PATJ: variants seen among roughly 807,000 people sequenced by gnomAD.
The protein encoded by PATJ is inaD-like protein.
Under a neutral mutation model 224.9 loss-of-function variants are expected in PATJ, and 190 were observed. That is an observed-to-expected ratio of 0.84 (90% CI 0.75 to 0.95). The LOEUF (loss-of-function observed/expected upper bound fraction) is 0.95, where lower values mean the gene tolerates loss of function less well. PATJ is among the 40% of genes least tolerant of loss of function. PATJ has a pLI of 0.00. For synonymous variants in PATJ, 769 were observed against 820.3 expected, an observed-to-expected ratio of 0.94 and a Z score of 1.07; for missense variants, 2,121 against 2,270.3, an observed-to-expected ratio of 0.93 and a Z score of 1.34.
intron 1 of PATJ, among the ~76,000 whole-genome samples, chr1:61,762,644 A>G (rs537973556): frequency 1.4e-4 from 22 of 152,248 alleles, no homozygotes; most frequent in Admixed American, 3.3e-4. Context: ...AGTTCCAGGC[A>G]CTTCACAGCC....
chr1:62,128,124 C>T (rs761769001), intron 40 of PATJ, 30 bp downstream of exon 40: 3 of 1,613,472 alleles, frequency 1.9e-6, no homozygotes, highest in Non-Finnish European at 2.5e-6. Flanking sequence ...GAAAGACTAA[C>T]AATATGTGTT....
In PATJ at chr1:62,017,937, G is replaced by A. The variant is rs1646878290; in HGVS notation, c.3949G>A (p.Val1317Ile). 6.2e-7 allele frequency: 1 copy of A among 1,604,264 alleles called. No individual in the cohort carries two copies. Among genetic ancestry groups the A allele is most frequent in the Non-Finnish European group, 8.5e-7 (1 of 1,171,088 alleles). ...IKTAPSKVKL[V>I]FIRNEDAVNQ... Reference sequence around the variant, plus strand: ...GACTGCCCCATCAAAGGTCAAGCTGGTTTTCATCAGGTAAGATTGCTAGAT... The same window carrying A: ...GACTGCCCCATCAAAGGTCAAGCTGATTTTCATCAGGTAAGATTGCTAGAT... The change falls in exon 29 of 44, where the codon GTT (valine) becomes ATT (isoleucine). Residue 1317 changes from valine to isoleucine, a missense_variant. Val to Ile is a conservative substitution (Grantham distance 29). Transcript: ENST00000642238.
chr1:61,896,488 G>A (rs180996756), intron 22 of PATJ, among the ~76,000 whole-genome samples: 1 of 152,202 alleles, frequency 6.6e-6, no homozygotes, highest in East Asian at 1.9e-4. Context: ...AGGTGGAAAG[G>A]ACTTGCCTTG....
At chr1:61,770,541 T>C (rs528751942) in intron 5 of PATJ, among the ~76,000 whole-genome samples, 16 of 152,296 alleles carry the variant, frequency 1.1e-4, no homozygotes, top group African/African-American at 3.6e-4. Flanking sequence ...TCATGATAAG[T>C]GCTCAGTAAA....
At chr1:61,750,716 A>G (rs1557574516) in intron 1 of PATJ, among the ~76,000 whole-genome samples, 1 of 151,904 alleles carries the variant, frequency 6.6e-6, no homozygotes, top group Non-Finnish European at 1.5e-5. Context: ...GCTGGGATAC[A>G]AGCATGAGCC....
At chr1:61,762,076 A>C (rs756798411) in intron 1 of PATJ, among the ~76,000 whole-genome samples, 2 of 152,094 alleles carry the variant, frequency 1.3e-5, no homozygotes, top group African/African-American at 2.4e-5. Flanking sequence ...GCTTCAGGGG[A>C]AGTCTTTTTT....
At chr1:61,943,565 G>C (rs888193226) in intron 27 of PATJ, among the ~76,000 whole-genome samples, 21 of 152,174 alleles carry the variant, frequency 1.4e-4, no homozygotes, top group Admixed American at 1.4e-3. Flanking sequence ...TGAGGCTTGA[G>C]TAGGTAAATG....
chr1:62,159,290 C>G (rs1669610282), intron 43 of PATJ, among the ~76,000 whole-genome samples: 1 of 152,168 alleles, frequency 6.6e-6, no homozygotes, highest in African/African-American at 2.4e-5. Context: ...CTCCCAGGTT[C>G]AAGTGATTCT....
At chr1:61,805,959 G>T (rs184351376) in intron 13 of PATJ, among the ~76,000 whole-genome samples, 13 of 152,344 alleles carry the variant, frequency 8.5e-5, no homozygotes, top group African/African-American at 3.1e-4. Flanking sequence ...ACAGTTTTAT[G>T]TGAAAAATGA....
intron 7 of PATJ, among the ~76,000 whole-genome samples, chr1:61,786,734 G>A (rs1219263507): frequency 6.6e-6 from 1 of 152,110 alleles, no homozygotes; most frequent in African/African-American, 2.4e-5. Flanking sequence ...GCTTATGCCT[G>A]TAATCCCAGC....
intron 14 of PATJ, among the ~76,000 whole-genome samples, chr1:61,811,392 C>T (rs4915599): frequency 0.17 from 25,674 of 151,646 alleles, 2,568 homozygotes; most frequent in East Asian, 0.47. Flanking sequence ...CCACGCCTGG[C>T]TAATTTTTTC....
intron 33 of PATJ, among the ~76,000 whole-genome samples, chr1:62,089,809 C>G (rs17123061): frequency 0.084 from 12,710 of 152,028 alleles, 992 homozygotes; most frequent in African/African-American, 0.21. Context: ...CATATCAAAG[C>G]GAAATGGTGG....
intron 33 of PATJ, among the ~76,000 whole-genome samples, chr1:62,096,913 G>A (rs182164262): frequency 3.5e-4 from 53 of 152,084 alleles, no homozygotes; most frequent in African/African-American, 1.1e-3. Context: ...CACTGCGCCC[G>A]GCCCAACATA....
At chr1:61,930,030 C>A (rs1675787683) in intron 27 of PATJ, among the ~76,000 whole-genome samples, 1 of 152,120 alleles carries the variant, frequency 6.6e-6, no homozygotes, top group Admixed American at 6.6e-5. Flanking sequence ...ACCTTAAATG[C>A]AGAAAAAGAC....
intron 27 of PATJ, among the ~76,000 whole-genome samples, chr1:61,983,531 G>C (rs1421066232): frequency 6.6e-6 from 1 of 151,978 alleles, no homozygotes; most frequent in Non-Finnish European, 1.5e-5. Context: ...AATTATCTTT[G>C]AGAAAAAAAT....
intron 29 of PATJ, among the ~76,000 whole-genome samples, chr1:62,027,628 C>CTTTTTTT (rs57019359): frequency 1.0e-4 from 11 of 109,842 alleles, no homozygotes; most frequent in African/African-American, 3.1e-4. Flanking sequence ...GCCAACATTC[C>CTTTTTTT]TTTTTTTTTT....
At chr1:62,069,052 G>A (rs933828551) in intron 31 of PATJ, among the ~76,000 whole-genome samples, 2 of 152,138 alleles carry the variant, frequency 1.3e-5, no homozygotes, top group African/African-American at 4.8e-5. Flanking sequence ...GCGACCCAAG[G>A]TCACTGCCGT....
intron 41 of PATJ, among the ~76,000 whole-genome samples, chr1:62,135,463 A>C (rs2481669): frequency 0.73 from 108,932 of 148,504 alleles, 39,948 homozygotes; most frequent in East Asian, 0.82. Context: ...TTGCAATGAG[A>C]TGAGATCGCG....
chr1:61,901,480 G>GT, intron 24 of PATJ, 21 bp downstream of exon 24: 1 of 1,508,402 alleles, frequency 6.6e-7, no homozygotes, highest in Non-Finnish European at 9.0e-7. Flanking sequence ...TTAAAGTACT[G>GT]TTTTTATTGG....
Sources: gnomAD v4.1 joint callset for allele counts (sites outside exome capture counted in the v4.1 genomes callset) on GRCh38, gnomAD v4.1.1 for gene constraint, MANE v1.5 for transcripts, NCBI Gene and HGNC (gene_info 2026-07-23, HGNC 2026-07-21) for gene names.